Variants in ADAMTS12 observed in about 807,000 individuals in gnomAD.
ADAMTS12 encodes the protein ADAM metallopeptidase with thrombospondin type 1 motif 12, also known as A disintegrin and metalloproteinase with thrombospondin motifs 12.
Under a neutral mutation model 167.8 loss-of-function variants are expected in ADAMTS12, and 118 were observed. The ratio of observed to expected loss-of-function variants is 0.70; its 90% CI spans 0.61 to 0.82. The LOEUF (loss-of-function observed/expected upper bound fraction) is 0.82. ADAMTS12 is among the 40% of genes least tolerant of loss of function. ADAMTS12 has a pLI of 0.00. For synonymous variants in ADAMTS12, 704 were observed against 716.9 expected (o/e 0.98, Z 0.29); for missense variants, 1,916 against 1,998.8 (o/e 0.96, Z 0.79).
At chr5:33,845,965 G>A (rs980703078) in intron 2 of ADAMTS12, among the ~76,000 whole-genome samples, 1 of 152,128 alleles carries the variant, frequency 6.6e-6, no homozygotes, top group African/African-American at 2.4e-5. Context: ...CCCACAAAAT[G>A]GCAGCTCCCC....
chr5:33,783,520 T>C (rs1234316929), intron 2 of ADAMTS12, among the ~76,000 whole-genome samples: 1 of 151,714 alleles, frequency 6.6e-6, no homozygotes, highest in Admixed American at 6.6e-5. Context: ...ATCCAATTAC[T>C]AAAAACAGAA....
At chr5:33,584,657 T>A (rs1363905918) in intron 18 of ADAMTS12, among the ~76,000 whole-genome samples, 1 of 152,236 alleles carries the variant, frequency 6.6e-6, no homozygotes, top group African/African-American at 2.4e-5. Context: ...TTGCATGAAT[T>A]ATCTTATTCA....
At position 33,891,819 on chromosome 5, in the gene ADAMTS12, G is replaced by T. The variant is rs1273085726; in HGVS notation, c.38C>A (p.Ser13Tyr). Residue 13 changes from serine to tyrosine, a missense_variant, in exon 1 of 24, where the codon TCC (serine) becomes TAC (tyrosine). Ser to Tyr is a moderately radical substitution (Grantham distance 144). Coordinates refer to ENST00000504830, the MANE Select transcript of ADAMTS12 (RefSeq NM_030955.4). ...AAAGTTAAGGAGCTGAGCCACCACG[G>T]AAAGGTTTGCAAGCCAGCTCCTCTG... is the stretch of plus-strand genomic sequence containing the variant. Reference protein sequence around the residue: ...CAQRSWLANLSVVAQLLNFGA... With the variant: ...CAQRSWLANLYVVAQLLNFGA... 1 of 1,614,240 alleles carries T rather than the reference G, an allele frequency of 6.2e-7. No individual in the cohort carries two copies. The highest frequency in any genetic ancestry group is 2.2e-5 in the East Asian group (1 of 44,892).
rs1306553930 is a variant in ADAMTS12, at chr5:33,875,116, T to A, written c.489+6003A>T. Among the ~76,000 whole-genome samples the A allele has an allele frequency of 5.3e-5, 8 of 152,344 alleles. No homozygotes were observed. The East Asian group carries it at 1.5e-3, about 29-fold the overall frequency. ...GGCTACATATTGTATGCTTTACAACTATATGACATTCTATAAAATGCAAAA... is the reference window on the plus strand; with the variant it reads ...GGCTACATATTGTATGCTTTACAACAATATGACATTCTATAAAATGCAAAA... On this transcript the variant is annotated intron_variant, in intron 2 of 23. Transcript: ENST00000504830.
rs1274022008 is a variant in ADAMTS12 at position 33,691,515 on chromosome 5, T to C, written c.635-7460A>G. ...AATGCTTTCTTTTTAGGGTTCTCCC[T>C]GGTCTTAAGGACAGTTTCCATCTTG... On this transcript the variant is annotated intron_variant, in intron 3 of 23. Transcript: ENST00000504830. Among the ~76,000 whole-genome samples the C allele has an allele frequency of 2.6e-5, 4 of 152,236 alleles. No homozygotes were observed. In the East Asian group the frequency reaches 7.7e-4, roughly 29 times the overall value.
intron 19 of ADAMTS12, among the ~76,000 whole-genome samples, chr5:33,565,894 A>G (rs1745992490): frequency 6.6e-6 from 1 of 152,184 alleles, no homozygotes; most frequent in Non-Finnish European, 1.5e-5. Context: ...CGTTAAATCA[A>G]TTAACATTTG....
intron 2 of ADAMTS12, among the ~76,000 whole-genome samples, chr5:33,764,173 C>T (rs910223081): frequency 3.3e-5 from 5 of 152,168 alleles, no homozygotes; most frequent in East Asian, 1.9e-4. Context: ...GCATTTCCAG[C>T]GAGGAGAGAC....
chr5:33,569,067 C>T (rs545446234), intron 19 of ADAMTS12, among the ~76,000 whole-genome samples: 1 of 152,356 alleles, frequency 6.6e-6, no homozygotes, highest in South Asian at 2.1e-4. Flanking sequence ...TGCCCAGGCT[C>T]ACTTAGGTAA....
intron 19 of ADAMTS12, among the ~76,000 whole-genome samples, chr5:33,566,110 A>G (rs533297101): frequency 6.6e-6 from 1 of 152,322 alleles, no homozygotes; most frequent in Non-Finnish European, 1.5e-5. Context: ...CAGACAATGA[A>G]AATTCAAATT....
intron 19 of ADAMTS12, among the ~76,000 whole-genome samples, chr5:33,568,399 T>C (rs1746122633): frequency 6.6e-6 from 1 of 152,236 alleles, no homozygotes; most frequent in Admixed American, 6.5e-5. Context: ...TTGCTTCTAG[T>C]CAATTCCATG....
At chr5:33,833,075 A>C (rs2111559970) in intron 2 of ADAMTS12, among the ~76,000 whole-genome samples, 1 of 152,344 alleles carries the variant, frequency 6.6e-6, no homozygotes, top group East Asian at 1.9e-4. Flanking sequence ...TAAAAGCAAA[A>C]CTTGTGAGTC....
chr5:33,837,707 A>G (rs1748587367), intron 2 of ADAMTS12, among the ~76,000 whole-genome samples: 1 of 152,228 alleles, frequency 6.6e-6, no homozygotes, highest in South Asian at 2.1e-4. Flanking sequence ...TATGTGGAAT[A>G]TGACAGTAAC....
chr5:33,882,179 C>T (rs13182017), intron 1 of ADAMTS12, among the ~76,000 whole-genome samples: 35,101 of 152,016 alleles, frequency 0.23, 4,591 homozygotes, highest in Admixed American at 0.33. Flanking sequence ...CAAGAACTTC[C>T]TGATAAAGTC....
intron 3 of ADAMTS12, among the ~76,000 whole-genome samples, chr5:33,709,526 T>C (rs894790988): frequency 6.6e-6 from 1 of 152,026 alleles, no homozygotes; most frequent in Non-Finnish European, 1.5e-5. Context: ...TATGCAGCCA[T>C]AAAAAGGAAT....
chr5:33,577,071 G>T lies in ADAMTS12; in HGVS notation c.2955C>A (p.Pro985=). The part of the protein sequence containing the change: ...HDEPCDVTRK[P]NSRALCGLQQ... ...GGAGGCCACACAGAGCTCGGCTGTT[G>T]GGTTTCCTTGTCACATCGCAAGGTT... is the stretch of plus-strand genomic sequence containing the variant. Residue 985 remains proline, a synonymous_variant, in exon 19 of 24, where the codon CCC becomes CCA. Coordinates refer to ENST00000504830, the MANE Select transcript of ADAMTS12 (RefSeq NM_030955.4). 10 of 1,614,160 alleles carry T rather than the reference G, an allele frequency of 6.2e-6. No homozygotes were observed. The highest frequency in any genetic ancestry group is 8.5e-6 in the Non-Finnish European group (10 of 1,180,008).
chr5:33,663,190 A>G (rs572973893), intron 5 of ADAMTS12, among the ~76,000 whole-genome samples: 6 of 152,380 alleles, frequency 3.9e-5, no homozygotes, highest in African/African-American at 1.2e-4. Context: ...AAGAATTTAG[A>G]TGGAAGACAC....
intron 19 of ADAMTS12, among the ~76,000 whole-genome samples, chr5:33,568,230 A>G: frequency 6.6e-6 from 1 of 152,216 alleles, no homozygotes; most frequent in East Asian, 1.9e-4. Context: ...CTACCTCTGA[A>G]GCTGAATTCT....
intron 3 of ADAMTS12, among the ~76,000 whole-genome samples, chr5:33,703,969 C>A (rs1287170938): frequency 2.0e-5 from 3 of 152,224 alleles, no homozygotes; most frequent in African/African-American, 7.2e-5. Context: ...GAAGCCTCTT[C>A]TGCTTTAACC....
chr5:33,559,841 T>C (rs1745652578), intron 20 of ADAMTS12, among the ~76,000 whole-genome samples: 2 of 152,098 alleles, frequency 1.3e-5, no homozygotes, highest in South Asian at 2.1e-4. Context: ...CATCACGCCA[T>C]TGCATTTCAG....
Sources: allele counts gnomAD v4.1 joint callset (sites outside exome capture counted in the v4.1 genomes callset), GRCh38; gene constraint gnomAD v4.1.1; transcripts MANE v1.5; gene names NCBI Gene and HGNC (gene_info 2026-07-23, HGNC 2026-07-21).